AOX1: variants seen among roughly 807,000 people sequenced by gnomAD.
AOX1 encodes aldehyde oxidase 1.
AOX1 carries 153 observed loss-of-function variants against 169.5 expected under a neutral mutation model. That is an observed-to-expected ratio of 0.90 (90% CI 0.79 to 1.03). The LOEUF is 1.03. AOX1 is among the 50% of genes least tolerant of loss of function. The pLI is 0.00. For synonymous variants in AOX1, 562 were observed against 581.9 expected, an observed-to-expected ratio of 0.97 and a Z score of 0.49; for missense variants, 1,656 against 1,663.9, an observed-to-expected ratio of 1.00 and a Z score of 0.08.
intron 1 of AOX1, 119 bp downstream of exon 1, chr2:200,586,272 T>A: frequency 8.8e-7 from 1 of 1,135,392 alleles, no homozygotes; most frequent in Non-Finnish European, 1.2e-6. Flanking sequence ...AGGCACGGAC[T>A]GGCTTTCTCC....
At chr2:200,620,138 A>G (rs1243393367) in intron 16 of AOX1, among the ~76,000 whole-genome samples, 1 of 151,956 alleles carries the variant, frequency 6.6e-6, no homozygotes, top group Non-Finnish European at 1.5e-5. Context: ...ATGGATTGAC[A>G]TACCAGTTGG....
intron 19 of AOX1, among the ~76,000 whole-genome samples, chr2:200,625,977 A>G (rs2034993609): frequency 6.6e-6 from 1 of 152,328 alleles, no homozygotes; most frequent in Middle Eastern, 3.4e-3. Context: ...GCTGATGACC[A>G]TAATGGAAAA....
chr2:200,623,406 G>A (rs2034928635), intron 18 of AOX1, among the ~76,000 whole-genome samples: 4 of 152,214 alleles, frequency 2.6e-5, no homozygotes, highest in Admixed American at 2.0e-4. Flanking sequence ...TCACCATCAG[G>A]GTTCTGTTAT....
intron 27 of AOX1, among the ~76,000 whole-genome samples, chr2:200,657,878 C>T (rs1007821670): frequency 1.1e-4 from 17 of 152,158 alleles, no homozygotes; most frequent in African/African-American, 3.6e-4. Context: ...GGAGTCTTTA[C>T]ATCTTGTCTT....
At chr2:200,659,792 A>T (rs968349237) in intron 28 of AOX1, among the ~76,000 whole-genome samples, 77 of 77,324 alleles carry the variant, frequency 1.0e-3, no homozygotes, top group African/African-American at 3.2e-3. Context: ...TCTCTCACAC[A>T]CACACACACA....
chr2:200,607,980 A>G (rs976680932), intron 10 of AOX1, among the ~76,000 whole-genome samples: 24 of 152,208 alleles, frequency 1.6e-4, no homozygotes, highest in African/African-American at 5.8e-4. Flanking sequence ...GGTGGGGAGC[A>G]AGGGAAGGGA....
At chr2:200,605,767 G>T (rs1426375232) in intron 10 of AOX1, 139 bp downstream of exon 10, 8 of 431,438 alleles carry the variant, frequency 1.9e-5, no homozygotes, top group Non-Finnish European at 1.6e-5. Context: ...TGATATGTTT[G>T]TTGGCCACAT....
chr2:200,659,247 T>C lies in AOX1; in HGVS notation c.3254T>C (p.Ile1085Thr), dbSNP rs2035761624. Residue 1085 changes from isoleucine (I) to threonine (T), a missense_variant, in exon 28 of 35, where the codon ATC becomes ACC. Ile to Thr is a moderately conservative substitution (Grantham distance 89). Coordinates refer to ENST00000374700, the MANE Select transcript of AOX1 (RefSeq NM_001159.4). ...ACAGAAACTGTCCCTAATGCAAATA[T>C]CTCTGGAGGTTCTGTGGTGGCAGAT... ...TSTETVPNAN[I>T]SGGSVVADLN... The C allele has an allele frequency of 6.2e-7, 1 of 1,613,924 alleles. No individual in the cohort carries two copies.
chr2:200,610,761 G>A (rs1409133765), intron 12 of AOX1, among the ~76,000 whole-genome samples: 1 of 152,138 alleles, frequency 6.6e-6, no homozygotes, highest in Non-Finnish European at 1.5e-5. Flanking sequence ...AGTGAATTGT[G>A]TTGTCAGGAA....
rs572587848 is a variant in AOX1 at position 200,645,664 on chromosome 2, T to A, written c.2847+2863T>A. 3.9e-5 allele frequency among the ~76,000 whole-genome samples: 6 copies of A among 152,270 alleles called. No individual in the cohort carries two copies. In the South Asian group the frequency reaches 1.2e-3, roughly 32 times the overall value. ...GGATTGGTACCAATTCTTCTTTGAA[T>A]GTCTGGTGGAATTCTGCTGTGAATC... On this transcript the variant is annotated intron_variant, in intron 25 of 34. Transcript: ENST00000374700.
intron 1 of AOX1, among the ~76,000 whole-genome samples, chr2:200,588,726 C>CTTTTTTTTTTTTTTTGTTT (rs2034097189): frequency 1.9e-5 from 1 of 53,986 alleles, no homozygotes; most frequent in Non-Finnish European, 3.9e-5. Context: ...CTAGAATAAG[C>CTTTTTTTTTTTTTTTGTTT]TTTTTTTTTT....
chr2:200,641,224 G>C, intron 24 of AOX1, 40 bp downstream of exon 24: 1 of 1,359,532 alleles, frequency 7.4e-7, no homozygotes. Flanking sequence ...CCTGAAAAGA[G>C]TGTTACATAA....
At chr2:200,618,259 A>G (rs920836625) in intron 16 of AOX1, among the ~76,000 whole-genome samples, 2 of 152,206 alleles carry the variant, frequency 1.3e-5, no homozygotes, top group African/African-American at 2.4e-5. Context: ...AACTTAGTCA[A>G]TACTCCGTTT....
intron 20 of AOX1, among the ~76,000 whole-genome samples, chr2:200,633,465 G>A (rs979602536): frequency 6.6e-6 from 1 of 151,524 alleles, no homozygotes; most frequent in Non-Finnish European, 1.5e-5. Context: ...CATTTCCTCT[G>A]TTCTCCCTAT....
chr2:200,598,346 A>C (rs1270068922), intron 4 of AOX1, among the ~76,000 whole-genome samples: 2 of 152,166 alleles, frequency 1.3e-5, no homozygotes, highest in Non-Finnish European at 2.9e-5. Context: ...GTTGTCAATA[A>C]GTTTTTTGGC....
chr2:200,653,367 G>C (rs2035619068), intron 26 of AOX1, among the ~76,000 whole-genome samples: 1 of 152,236 alleles, frequency 6.6e-6, no homozygotes, highest in Non-Finnish European at 1.5e-5. Flanking sequence ...AAACTAAATA[G>C]AGGAGGAAAC....
At chr2:200,666,878 C>T (rs936628231) in intron 32 of AOX1, 126 bp downstream of exon 32, 1 of 570,100 alleles carries the variant, frequency 1.8e-6, no homozygotes, top group Admixed American at 3.3e-5. Context: ...CAACTCTATT[C>T]AGACCAACTG....
At chr2:200,660,838 C>T (rs576167138) in intron 29 of AOX1, among the ~76,000 whole-genome samples, 24 of 152,268 alleles carry the variant, frequency 1.6e-4, no homozygotes, top group Non-Finnish European at 2.9e-4. Flanking sequence ...TGGGGTCTGT[C>T]TATACTTCCT....
At chr2:200,604,370 T>A (rs2034473012) in intron 8 of AOX1, among the ~76,000 whole-genome samples, 1 of 152,220 alleles carries the variant, frequency 6.6e-6, no homozygotes, top group African/African-American at 2.4e-5. Context: ...ACATGTTTCC[T>A]ACTTTCACTT....
Sources: allele counts gnomAD v4.1 joint callset (sites outside exome capture counted in the v4.1 genomes callset), GRCh38; gene constraint gnomAD v4.1.1; transcripts MANE v1.5; gene names NCBI Gene and HGNC (gene_info 2026-07-23, HGNC 2026-07-21).